Variants in ADD2 observed in about 807,000 individuals in gnomAD.
ADD2 encodes beta-adducin.
ADD2 carries 23 observed loss-of-function variants against 83.0 expected under a neutral mutation model. That is an observed-to-expected ratio of 0.28 (90% CI 0.20 to 0.39). The LOEUF (loss-of-function observed/expected upper bound fraction) is 0.39. Ranked by LOEUF, ADD2 falls within the 10% of genes least tolerant of loss-of-function variation. The pLI is 1.00. For missense variants in ADD2, 758 were observed against 944.9 expected, an observed-to-expected ratio of 0.80 and a Z score of 2.59; for synonymous variants, 375 against 375.4, an observed-to-expected ratio of 1.00 and a Z score of 0.01.
chr2:70,704,263 T>TCCCCCCCCCCCCCCCCCCCCCCCC, intron 4 of ADD2, 58 bp downstream of exon 4: 6 of 913,236 alleles, frequency 6.6e-6, no homozygotes, highest in South Asian at 2.9e-5. Context: ...CTCCCTCTCT[T>TCCCCCCCCCCCCCCCCCCCCCCCC]CCCCACCCCA....
chr2:70,719,830 T>C (rs1352082524), intron 1 of ADD2, among the ~76,000 whole-genome samples: 1 of 152,160 alleles, frequency 6.6e-6, no homozygotes, highest in Non-Finnish European at 1.5e-5. Context: ...CTCAATCAAA[T>C]TCAAACATGA....
chr2:70,698,702 T>C (rs1379709358), intron 4 of ADD2, among the ~76,000 whole-genome samples: 1 of 152,178 alleles, frequency 6.6e-6, no homozygotes, highest in Admixed American at 6.6e-5. Context: ...AACTATTAGG[T>C]ATCCATTTTA....
At chr2:70,672,842 C>G in intron 15 of ADD2, 36 bp downstream of exon 15, 4 of 1,581,116 alleles carry the variant, frequency 2.5e-6, no homozygotes, top group Non-Finnish European at 3.4e-6. Flanking sequence ...AGATGCACCC[C>G]TCTCCCTCCC....
At chr2:70,749,141 C>T (rs554003397) in intron 1 of ADD2, among the ~76,000 whole-genome samples, 82 of 152,182 alleles carry the variant, frequency 5.4e-4, no homozygotes, top group African/African-American at 1.9e-3. Flanking sequence ...CTTCACAAGG[C>T]GGCAGGAGAA....
At position 70,678,704 on chromosome 2, in the gene ADD2, C is replaced by T. The variant is rs375302801; in HGVS notation, c.1383G>A (p.Thr461=). The T allele has an allele frequency of 5.4e-5, 84 of 1,555,364 alleles. No individual in the cohort carries two copies. Among genetic ancestry groups the T allele is most frequent in the African/African-American group, 8.2e-5 (6 of 73,398 alleles). Residue 461 remains threonine, a splice_region_variant and synonymous_variant, in exon 11 of 16, where the codon ACG becomes ACA. Coordinates refer to ENST00000264436, the MANE Select transcript of ADD2 (RefSeq NM_001617.4). ...GGGTCTGTCCTGGGCTCCCCCTTAC[C>T]GTGGTCTTGGGTCGGGGGCTGCCCA... ...RSMGSPRPKT[T]WMKADEVEKS...
At chr2:70,675,226 C>G (rs1670072399) in intron 13 of ADD2, 5 of 1,009,682 alleles carry the variant, frequency 5.0e-6, no homozygotes, top group Non-Finnish European at 5.9e-6. Context: ...AAGCTTCATG[C>G]CAGCCATTCC....
At chr2:70,714,872 T>C (rs1276318474) in intron 1 of ADD2, among the ~76,000 whole-genome samples, 2 of 152,230 alleles carry the variant, frequency 1.3e-5, no homozygotes, top group African/African-American at 4.8e-5. Context: ...CTATTTTTTG[T>C]GTGTGCTAAT....
At chr2:70,765,940 CT>C (rs1675359197) in intron 1 of ADD2, among the ~76,000 whole-genome samples, 1 of 152,110 alleles carries the variant, frequency 6.6e-6, no homozygotes, top group South Asian at 2.1e-4. Flanking sequence ...ATCTACTAGT[CT>C]TTTTTATATA....
chr2:70,739,397 G>T lies in ADD2; in HGVS notation c.-153-26213C>A, dbSNP rs546276707. Among the ~76,000 whole-genome samples the T allele has an allele frequency of 2.2e-3, 330 of 152,296 alleles. No individual in the cohort carries two copies. The Middle Eastern group carries it at 0.024, about 11-fold the overall frequency. The stretch of plus-strand genomic sequence containing the variant: ...GTCAAAAATTACAGATACTGGCAAG[G>T]TTGCAGAGAAAAGAAAACACTTATA... On this transcript the variant is annotated intron_variant, in intron 1 of 15. Transcript: ENST00000264436.
chr2:70,686,908 C>T (rs1670756509), intron 9 of ADD2, among the ~76,000 whole-genome samples: 1 of 152,198 alleles, frequency 6.6e-6, no homozygotes, highest in African/African-American at 2.4e-5. Flanking sequence ...GAGCCTCCAC[C>T]AGCGACACTT....
intron 4 of ADD2, 58 bp downstream of exon 4, chr2:70,704,263 T>TGGCCCCCCCCCCCCCACC: frequency 1.1e-6 from 1 of 913,238 alleles, no homozygotes; most frequent in Non-Finnish European, 1.7e-6. Context: ...CTCCCTCTCT[T>TGGCCCCCCCCCCCCCACC]CCCCACCCCA....
chr2:70,684,320 T>C (rs995645229), intron 9 of ADD2, among the ~76,000 whole-genome samples: 1 of 152,224 alleles, frequency 6.6e-6, no homozygotes, highest in Non-Finnish European at 1.5e-5. Flanking sequence ...CAATCTCGGA[T>C]CACTGCAGCC....
In ADD2 at chr2:70,681,260, C is replaced by A. The variant is rs538616857; in HGVS notation, c.1126-2299G>T. On this transcript the variant is annotated intron_variant, in intron 10 of 15. Coordinates refer to ENST00000264436, the MANE Select transcript of ADD2 (RefSeq NM_001617.4). ...TCAGTTCTGTGGCCCTACCCACAGG[C>A]AGACTCAGTGCACGAGGACCATATT... Among the ~76,000 whole-genome samples the A allele has an allele frequency of 7.2e-5, 11 of 152,228 alleles. No homozygotes were observed. The South Asian group carries it at 2.3e-3, about 32-fold the overall frequency.
At position 70,663,548 on chromosome 2, in the gene ADD2, C is replaced by G. The variant is rs781805746; in HGVS notation, c.2058G>C (p.Ser686=). 2 of 1,613,918 alleles carry G rather than the reference C, an allele frequency of 1.2e-6. No individual in the cohort carries two copies. The highest frequency in any genetic ancestry group is 1.7e-6 in the Non-Finnish European group (2 of 1,180,016). Reference sequence around the variant, plus strand: ...CTGGGGACATGGGGCCGCTGGTGACCGACTCGGTTTTGTCCTTAGAGGTAT... The same window carrying G: ...CTGGGGACATGGGGCCGCTGGTGACGGACTCGGTTTTGTCCTTAGAGGTAT... ...DVDTSKDKTE[S]VTSGPMSPEG... The change falls in exon 16 of 16, where the codon TCG becomes TCC. Residue 686 remains serine, a synonymous_variant. Coordinates refer to ENST00000264436, the MANE Select transcript of ADD2 (RefSeq NM_001617.4).
At chr2:70,710,839 T>G (rs1262664867) in intron 2 of ADD2, among the ~76,000 whole-genome samples, 1 of 152,238 alleles carries the variant, frequency 6.6e-6, no homozygotes, top group Non-Finnish European at 1.5e-5. Flanking sequence ...TGTGGAGTAT[T>G]TAAAACAGGG....
At position 70,706,112 on chromosome 2, in the gene ADD2, A is replaced by G. The variant is rs1206084687; in HGVS notation, c.183+114T>C. 8.6e-7 allele frequency: 1 copy of G among 1,169,048 alleles called. No homozygotes were observed. The highest frequency in any genetic ancestry group is 2.3e-5 in the Admixed American group (1 of 44,420). 72.4% of individuals were successfully genotyped at this position (1,169,048 alleles called of 1,614,324 possible). A position where few individuals can be genotyped will look rare whatever the true frequency, so the allele number is the denominator to read the frequency against. On this transcript the variant is annotated intron_variant, in intron 3 of 15. Transcript: ENST00000264436. The surrounding 1 kb of genome is among the most constrained non-coding windows in gnomAD (Gnocchi z 5.0). ...GATCCGTCTTGCTCAGTGGGCTTAC[A>G]TTTCTACTGACCCTGAGCAAGGGAA...
intron 4 of ADD2, among the ~76,000 whole-genome samples, chr2:70,700,439 T>C (rs1272031515): frequency 6.6e-6 from 1 of 152,118 alleles, no homozygotes; most frequent in East Asian, 1.9e-4. Context: ...ATTCCTGAGA[T>C]AAGGCCAAAC....
chr2:70,738,347 G>A (rs1376383038), intron 1 of ADD2, among the ~76,000 whole-genome samples: 1 of 152,138 alleles, frequency 6.6e-6, no homozygotes, highest in African/African-American at 2.4e-5. Flanking sequence ...TTAGCCTAGG[G>A]CCAGAATGAT....
intron 15 of ADD2, among the ~76,000 whole-genome samples, chr2:70,670,394 G>A (rs1669849512): frequency 6.6e-6 from 1 of 152,250 alleles, no homozygotes; most frequent in Non-Finnish European, 1.5e-5. Context: ...TAGTGGCAGA[G>A]CTGATCATGT....
Sources: gnomAD v4.1 joint callset for allele counts (sites outside exome capture counted in the v4.1 genomes callset) on GRCh38, gnomAD v4.1.1 for gene constraint, Gnocchi (gnomAD v3.1) non-coding constraint, MANE v1.5 for transcripts, NCBI Gene and HGNC (gene_info 2026-07-23, HGNC 2026-07-21) for gene names.